Variants in PTPRQ observed in about 807,000 individuals in gnomAD.
PTPRQ encodes protein tyrosine phosphatase receptor type Q.
In PTPRQ, 199 loss-of-function variants were observed where a neutral mutation model predicts 246.0. The observed-to-expected ratio is 0.81, with a 90% CI of 0.72 to 0.91. PTPRQ has a LOEUF of 0.91. Ranked by LOEUF, PTPRQ falls within the 40% of genes least tolerant of loss-of-function variation. The pLI is 0.00. For missense variants in PTPRQ, 2,624 were observed against 2,528.4 expected (o/e 1.04, Z -0.81); for synonymous variants, 869 against 853.2 (o/e 1.02, Z -0.32).
chr12:80,661,785 AT>A (rs1900643492), intron 39 of PTPRQ, among the ~76,000 whole-genome samples: 1 of 151,904 alleles, frequency 6.6e-6, no homozygotes, highest in East Asian at 1.9e-4. Context: ...ACATAAAAAA[AT>A]CTGCAATTTT....
Position 80,546,586 on chromosome 12 carries a change from C to T in PTPRQ, c.3904C>T (p.Leu1302Phe), listed in dbSNP as rs1483222638. 2 of 1,548,650 alleles carry T rather than the reference C, an allele frequency of 1.3e-6. No individual in the cohort carries two copies. The highest frequency in any genetic ancestry group is 1.7e-6 in the Non-Finnish European group (2 of 1,146,218). Residue 1302 changes from leucine to phenylalanine, a missense_variant, in exon 24 of 45, where the codon CTT becomes TTT. Transcript: ENST00000644991. ...ATCAGGATTTAAAACTGAAGCCAAA[C>T]TTGTTGGACTGGAACCAGTCAGCAC... ...NISGFKTEAKLVGLEPVSTYS... is the reference protein window; with the variant it reads ...NISGFKTEAKFVGLEPVSTYS...
chr12:80,444,306 G>T lies in PTPRQ; in HGVS notation c.-40G>T, dbSNP rs1277358854. 9.8e-7 allele frequency: 1 copy of T among 1,023,758 alleles called. No homozygotes were observed. Among genetic ancestry groups the T allele is most frequent in the East Asian group, 2.6e-5 (1 of 38,340 alleles). The allele number at this position is 1,023,758 out of a possible 1,614,324, so 63.4% of individuals were successfully genotyped here. A position where few individuals can be genotyped will look rare whatever the true frequency, so the allele number is the denominator to read the frequency against. ...AATGCAGGCAACATTTCTCTCTAGA[G>T]CCATCAATGTGATTCTACTGGCTGA... On this transcript the variant is annotated 5_prime_UTR_variant, in exon 1 of 45. Coordinates refer to ENST00000644991, the MANE Select transcript of PTPRQ (RefSeq NM_001145026.2).
In PTPRQ at chr12:80,588,367, A is replaced by G. The variant is rs376653087; in HGVS notation, c.4524A>G (p.Arg1508=). The change falls in exon 26 of 45, where the codon AGA becomes AGG. Residue 1508 remains arginine, a synonymous_variant. Coordinates refer to ENST00000644991, the MANE Select transcript of PTPRQ (RefSeq NM_001145026.2). ...CAGTATATGGATTAAAGAAATTTAG[A>G]TGGTATAGATTCCAAGTGGCTGCCA... ...EETVYGLKKF[R]WYRFQVAAST... 3 of 1,545,374 alleles carry G rather than the reference A, an allele frequency of 1.9e-6. No individual in the cohort carries two copies. The African/African-American group carries it at 4.1e-5, about 21-fold the overall frequency.
In PTPRQ at chr12:80,539,958, A is replaced by C; in HGVS notation, c.3154+14A>C. 3 of 1,452,138 alleles carry C rather than the reference A, an allele frequency of 2.1e-6. No homozygotes were observed. Among genetic ancestry groups the C allele is most frequent in the Non-Finnish European group, 2.7e-6 (3 of 1,099,378 alleles). The allele number at this position is 1,452,138 out of a possible 1,614,324, so 90.0% of individuals were successfully genotyped here. On this transcript the variant is annotated intron_variant, in intron 20 of 44. Coordinates refer to ENST00000644991, the MANE Select transcript of PTPRQ (RefSeq NM_001145026.2). ...CAGATCAAGACAGTATGTAAACAAA[A>C]AACACTAATCTTTAATATGATTAAT...
intron 25 of PTPRQ, among the ~76,000 whole-genome samples, chr12:80,567,333 GC>G (rs1897008675): frequency 6.6e-6 from 1 of 152,132 alleles, no homozygotes; most frequent in Non-Finnish European, 1.5e-5. Flanking sequence ...TTATGGGAAA[GC>G]TTTTTTCATG....
chr12:80,471,490 TTA>T lies in PTPRQ; in HGVS notation c.1040-613_1040-612del, dbSNP rs1455710750. On this transcript the variant is annotated intron_variant, in intron 7 of 44. Transcript: ENST00000644991. Reference sequence around the variant, plus strand: ...TTATTTAGCATTTTTTTTTTTTTTTTTATTTGAGACAGAGTCTCGCTCTGTCG... The same window carrying T: ...TTATTTAGCATTTTTTTTTTTTTTTTTTTGAGACAGAGTCTCGCTCTGTCG... 2.2e-4 allele frequency among the ~76,000 whole-genome samples: 9 copies of T among 40,274 alleles called. 2 individuals are homozygous for T. Among genetic ancestry groups the T allele is most frequent in the African/African-American group, 3.8e-4 (4 of 10,446 alleles). The allele number at this position is 40,274 out of a possible 152,430, so 26.4% of individuals were successfully genotyped here. A position where few individuals can be genotyped will look rare whatever the true frequency, so the allele number is the denominator to read the frequency against.
chr12:80,497,665 A>T lies in PTPRQ; in HGVS notation c.2272+1134A>T, dbSNP rs1429883809. Among the ~76,000 whole-genome samples the T allele has an allele frequency of 2.0e-5, 3 of 151,994 alleles. No homozygotes were observed. In the East Asian group the frequency reaches 5.8e-4, roughly 29 times the overall value. ...CTAGAGTAAGACAGTTTGTCTGTTA[A>T]TCTTATTTTGTTGTTTATATTGTGT... On this transcript the variant is annotated intron_variant, in intron 14 of 44. Coordinates refer to ENST00000644991, the MANE Select transcript of PTPRQ (RefSeq NM_001145026.2).
chr12:80,558,161 TTCTTTTCTTTC>T (rs1349115313), intron 25 of PTPRQ, among the ~76,000 whole-genome samples: 3 of 128,398 alleles, frequency 2.3e-5, no homozygotes, highest in African/African-American at 1.2e-4. Flanking sequence ...TTCTTTTCTT[TTCTTTTCTTTC>T]TTTTCTTTTC....
At chr12:80,552,048 C>T (rs757877856) in intron 25 of PTPRQ, among the ~76,000 whole-genome samples, 2 of 152,054 alleles carry the variant, frequency 1.3e-5, no homozygotes, top group Non-Finnish European at 1.5e-5. Flanking sequence ...TGGACTTCAT[C>T]CCAGACTTGC....
chr12:80,657,032 G>A (rs527565895), intron 38 of PTPRQ, among the ~76,000 whole-genome samples: 2 of 151,886 alleles, frequency 1.3e-5, no homozygotes, highest in South Asian at 2.1e-4. Context: ...AAAATAATGA[G>A]AAATTTGATT....
At chr12:80,548,058 TA>T (rs796159662) in intron 24 of PTPRQ, among the ~76,000 whole-genome samples, 39 of 152,074 alleles carry the variant, frequency 2.6e-4, no homozygotes, top group South Asian at 6.2e-4. Context: ...AACCCATAAA[TA>T]AAAAAATATT....
intron 35 of PTPRQ, among the ~76,000 whole-genome samples, chr12:80,636,286 T>C (rs1899645557): frequency 6.6e-6 from 1 of 152,182 alleles, no homozygotes; most frequent in African/African-American, 2.4e-5. Context: ...GTTTTCTATA[T>C]AAGAAATATT....
rs776466267 is a variant in PTPRQ, at chr12:80,652,743, G to A, written c.6025-1G>A. The A allele has an allele frequency of 2.0e-5, 30 of 1,492,018 alleles. No homozygotes were observed. Among genetic ancestry groups the A allele is most frequent in the Non-Finnish European group, 2.6e-5 (29 of 1,124,400 alleles). 92.4% of individuals were successfully genotyped at this position (1,492,018 alleles called of 1,614,324 possible). A position where few individuals can be genotyped will look rare whatever the true frequency, so the allele number is the denominator to read the frequency against. ...AACTTTGTAATGACTTTATTTTACAGGAATTACCAAAATTTCTTCAGGATC... is the reference window on the plus strand; with the variant it reads ...AACTTTGTAATGACTTTATTTTACAAGAATTACCAAAATTTCTTCAGGATC... On this transcript the variant is annotated splice_acceptor_variant, in intron 37 of 44. Transcript: ENST00000644991. LOFTEE classifies it high-confidence loss of function.
Position 80,669,237 on chromosome 12 carries a change from G to A in PTPRQ, c.6327+96G>A, listed in dbSNP as rs1432635223. 6 of 1,526,900 alleles carry A rather than the reference G, an allele frequency of 3.9e-6. No homozygotes were observed. The African/African-American group carries it at 8.4e-5, about 21-fold the overall frequency. 94.6% of individuals were successfully genotyped at this position (1,526,900 alleles called of 1,614,324 possible). A position where few individuals can be genotyped will look rare whatever the true frequency, so the allele number is the denominator to read the frequency against. On this transcript the variant is annotated intron_variant, in intron 40 of 44. Coordinates refer to ENST00000644991, the MANE Select transcript of PTPRQ (RefSeq NM_001145026.2). ...TAATACTGTGAGTCATCAATAACCTGGACATCTATAAAGTAATTTTAACTT... is the reference window on the plus strand; with the variant it reads ...TAATACTGTGAGTCATCAATAACCTAGACATCTATAAAGTAATTTTAACTT...
chr12:80,587,990 T>A, intron 25 of PTPRQ, 139 bp from the exon 26 acceptor site: 1 of 852,568 alleles, frequency 1.2e-6, no homozygotes, highest in South Asian at 2.5e-5. Context: ...TCTCATTAAG[T>A]GTGGGGATAA....
chr12:80,597,840 G>A (rs907762872), intron 26 of PTPRQ, among the ~76,000 whole-genome samples: 1 of 152,050 alleles, frequency 6.6e-6, no homozygotes, highest in African/African-American at 2.4e-5. Flanking sequence ...CCCCAGTGAT[G>A]TTGATGCTGC....
intron 25 of PTPRQ, among the ~76,000 whole-genome samples, chr12:80,580,202 T>C (rs1897391726): frequency 6.6e-6 from 1 of 152,200 alleles, no homozygotes; most frequent in African/African-American, 2.4e-5. Flanking sequence ...TAACAAATTC[T>C]TGCTTATTTA....
chr12:80,621,473 T>G (rs550493205), intron 32 of PTPRQ, among the ~76,000 whole-genome samples: 30 of 152,120 alleles, frequency 2.0e-4, no homozygotes, highest in Admixed American at 4.6e-4. Context: ...TAAATTTCAA[T>G]TGTCTCTGAG....
At chr12:80,500,750 T>C (rs1349973375) in intron 14 of PTPRQ, among the ~76,000 whole-genome samples, 3 of 152,028 alleles carry the variant, frequency 2.0e-5, no homozygotes, top group Admixed American at 6.6e-5. Context: ...TCTACCACCG[T>C]ACTAGGTAGT....
Sources: allele counts gnomAD v4.1 joint callset (sites outside exome capture counted in the v4.1 genomes callset), GRCh38; gene constraint gnomAD v4.1.1; transcripts MANE v1.5; gene names NCBI Gene and HGNC (gene_info 2026-07-23, HGNC 2026-07-21).